Variants in CFAP299 observed in about 807,000 individuals in gnomAD.
CFAP299 encodes cilia and flagella associated protein 299.
CFAP299 carries 21 observed loss-of-function variants against 27.0 expected under a neutral mutation model. That is an observed-to-expected ratio of 0.78 (90% confidence interval 0.55 to 1.12). The LOEUF (loss-of-function observed/expected upper bound fraction) is 1.12. Ranked by LOEUF, CFAP299 falls within the 50% of genes most tolerant of loss-of-function variation. CFAP299 has a pLI of 0.00. For synonymous variants in CFAP299, 104 were observed against 98.1 expected (o/e 1.06, Z -0.36); for missense variants, 310 against 276.6 (o/e 1.12, Z -0.86).
intron 3 of CFAP299, among the ~76,000 whole-genome samples, chr4:80,747,965 T>C (rs1646024814): frequency 6.6e-6 from 1 of 152,090 alleles, no homozygotes; most frequent in Admixed American, 6.6e-5. Context: ...ATTCCTGATT[T>C]ACAAACCCAA....
chr4:80,366,848 A>G (rs1326860760), intron 2 of CFAP299, among the ~76,000 whole-genome samples: 1 of 152,210 alleles, frequency 6.6e-6, no homozygotes, highest in Non-Finnish European at 1.5e-5. Flanking sequence ...TTTGGTACCT[A>G]AGTGTAATAA....
chr4:80,800,308 AAG>A (rs368317719), intron 3 of CFAP299, among the ~76,000 whole-genome samples: 1 of 74,644 alleles, frequency 1.3e-5, no homozygotes, highest in African/African-American at 5.7e-5. Flanking sequence ...TATAATATAT[AAG>A]ATATATGATA....
intron 3 of CFAP299, among the ~76,000 whole-genome samples, chr4:80,711,003 A>T (rs1048877259): frequency 6.6e-6 from 1 of 152,142 alleles, no homozygotes; most frequent in Non-Finnish European, 1.5e-5. Flanking sequence ...TCTTGTTATC[A>T]CACCCATGTA....
chr4:80,704,003 T>G (rs966165347), intron 3 of CFAP299, among the ~76,000 whole-genome samples: 6 of 151,706 alleles, frequency 4.0e-5, no homozygotes, highest in African/African-American at 1.4e-4. Context: ...CTTTGTTTTA[T>G]TTTTTGCCTT....
At chr4:80,353,729 A>T (rs184244674) in intron 1 of CFAP299, among the ~76,000 whole-genome samples, 1 of 152,262 alleles carries the variant, frequency 6.6e-6, no homozygotes, top group African/African-American at 2.4e-5. Context: ...ACTATCTGTG[A>T]TACGGTTGAA....
intron 3 of CFAP299, among the ~76,000 whole-genome samples, chr4:80,685,321 G>A (rs1329249865): frequency 6.6e-6 from 1 of 151,994 alleles, no homozygotes; most frequent in Non-Finnish European, 1.5e-5. Context: ...AAAATCCAGG[G>A]CTTCAACATT....
intron 1 of CFAP299, among the ~76,000 whole-genome samples, chr4:80,354,519 CT>C (rs572171565): frequency 4.6e-5 from 7 of 151,878 alleles, no homozygotes; most frequent in Non-Finnish European, 7.4e-5. Flanking sequence ...ATATATATGA[CT>C]TTTTTTTCAC....
chr4:80,396,352 A>G (rs746596013), intron 2 of CFAP299, among the ~76,000 whole-genome samples: 4 of 152,134 alleles, frequency 2.6e-5, no homozygotes, highest in African/African-American at 7.2e-5. Context: ...TCAGTATACC[A>G]TAACAGCAAA....
At chr4:80,701,754 A>T (rs1440773794) in intron 3 of CFAP299, among the ~76,000 whole-genome samples, 2 of 151,946 alleles carry the variant, frequency 1.3e-5, no homozygotes, top group African/African-American at 4.8e-5. Flanking sequence ...TTGATGGAAA[A>T]AAATCCCTAT....
intron 3 of CFAP299, among the ~76,000 whole-genome samples, chr4:80,833,458 T>C (rs1578166390): frequency 6.6e-6 from 1 of 152,154 alleles, no homozygotes; most frequent in Middle Eastern, 3.4e-3. Flanking sequence ...ACTGGCCCAC[T>C]GTGTGCACAC....
At chr4:80,711,780 G>A (rs1722188893) in intron 3 of CFAP299, among the ~76,000 whole-genome samples, 1 of 152,104 alleles carries the variant, frequency 6.6e-6, no homozygotes, top group Non-Finnish European at 1.5e-5. Context: ...TTTGAATTAT[G>A]CTGGAGAAAT....
chr4:80,862,407 C>A (rs1021199504), intron 3 of CFAP299, among the ~76,000 whole-genome samples: 3 of 151,844 alleles, frequency 2.0e-5, no homozygotes, highest in Admixed American at 1.3e-4. Context: ...TAAATAAAGC[C>A]ATTTAAAATA....
chr4:80,953,456 A>G (rs1205996625), intron 5 of CFAP299, among the ~76,000 whole-genome samples: 2 of 152,214 alleles, frequency 1.3e-5, no homozygotes, highest in Admixed American at 6.5e-5. Flanking sequence ...CTGAAAGCCC[A>G]CCACATATAA....
chr4:80,532,236 G>C (rs562138412), intron 2 of CFAP299, among the ~76,000 whole-genome samples: 40 of 152,170 alleles, frequency 2.6e-4, no homozygotes, highest in Non-Finnish European at 4.7e-4. Context: ...TTTGGAAATA[G>C]CTTATTACAG....
intron 3 of CFAP299, among the ~76,000 whole-genome samples, chr4:80,820,791 T>C (rs1184231493): frequency 1.3e-5 from 2 of 152,182 alleles, no homozygotes; most frequent in Non-Finnish European, 2.9e-5. Context: ...TTGCAATTAA[T>C]GCTTATTGAG....
At chr4:80,726,077 A>G (rs1401676690) in intron 3 of CFAP299, among the ~76,000 whole-genome samples, 2 of 152,162 alleles carry the variant, frequency 1.3e-5, no homozygotes, top group Admixed American at 6.5e-5. Context: ...TCTATTTTAT[A>G]TCTTCTACAG....
chr4:80,885,824 G>A (rs541929047), intron 4 of CFAP299, among the ~76,000 whole-genome samples: 1 of 152,260 alleles, frequency 6.6e-6, no homozygotes, highest in South Asian at 2.1e-4. Context: ...TCCTTCAGAG[G>A]GAAAACTAAA....
At chr4:80,657,295 C>T (rs972734177) in intron 3 of CFAP299, among the ~76,000 whole-genome samples, 1 of 152,068 alleles carries the variant, frequency 6.6e-6, no homozygotes, top group Non-Finnish European at 1.5e-5. Context: ...GTCATGAAGT[C>T]TTTGCCCATG....
intron 2 of CFAP299, among the ~76,000 whole-genome samples, chr4:80,423,752 A>G (rs1252390758): frequency 6.6e-6 from 1 of 152,204 alleles, no homozygotes; most frequent in Admixed American, 6.5e-5. Context: ...TTGGGCTGCC[A>G]GAATGGTGCT....
Sources: allele counts gnomAD v4.1 joint callset (sites outside exome capture counted in the v4.1 genomes callset), GRCh38; gene constraint gnomAD v4.1.1; transcripts MANE v1.5; gene names NCBI Gene and HGNC (gene_info 2026-07-23, HGNC 2026-07-21).